Variants in TRIM40 observed in about 807,000 individuals in gnomAD.
TRIM40 encodes E3 ubiquitin ligase TRIM40.
A neutral mutation model predicts 26.1 loss-of-function variants in TRIM40; 27 were observed. The ratio of observed to expected loss-of-function variants is 1.04; its 90% CI spans 0.76 to 1.43. TRIM40 has a LOEUF of 1.43. TRIM40 is among the 40% of genes most tolerant of loss of function. The pLI is 0.00. For synonymous variants in TRIM40, 114 were observed against 120.0 expected, an observed-to-expected ratio of 0.95 and a Z score of 0.33; for missense variants, 289 against 307.9, an observed-to-expected ratio of 0.94 and a Z score of 0.46.
chr6:30,145,897 AT>A (rs1418611395), intron 2 of TRIM40, 96 bp from the exon 3 acceptor site: 2 of 861,154 alleles, frequency 2.3e-6, no homozygotes, highest in Non-Finnish European at 3.8e-6. Context: ...CATTAGTTGC[AT>A]TCTGGGATCA....
intron 2 of TRIM40, among the ~76,000 whole-genome samples, chr6:30,139,536 T>C (rs1562090936): frequency 6.6e-6 from 1 of 151,836 alleles, no homozygotes; most frequent in South Asian, 2.1e-4. Context: ...AGAAACAGGG[T>C]TTCACCATCT....
At chr6:30,143,957 G>A (rs1298486525) in intron 2 of TRIM40, among the ~76,000 whole-genome samples, 1 of 152,038 alleles carries the variant, frequency 6.6e-6, no homozygotes, top group Admixed American at 6.6e-5. Flanking sequence ...ATAGGACTGT[G>A]GCTTTTTGAA....
At chr6:30,147,372 G>A in intron 4 of TRIM40, 148 bp from the exon 5 acceptor site, 2 of 1,373,926 alleles carry the variant, frequency 1.5e-6, no homozygotes, top group Non-Finnish European at 2.0e-6. Flanking sequence ...TGCTGCAGCA[G>A]AATGGGCACA....
rs1485800845 is a variant in TRIM40, at chr6:30,148,137, C to T, written c.*325C>T. ...AGTGCCCATCTCTCACAATCTCATT[C>T]AAATAGGATCCTCCAGGCCTCTGAA... On this transcript the variant is annotated 3_prime_UTR_variant, in exon 6 of 6. Coordinates refer to ENST00000396581, the MANE Select transcript of TRIM40 (RefSeq NM_001286633.2). The T allele has an allele frequency of 4.6e-6, 2 of 438,314 alleles. No homozygotes were observed. The highest frequency in any genetic ancestry group is 3.9e-5 in the African/African-American group (2 of 51,378). The allele number at this position is 438,314 out of a possible 1,614,324, so 27.2% of individuals were successfully genotyped here.
intron 5 of TRIM40, 89 bp from the exon 6 acceptor site, chr6:30,147,635 GC>G: frequency 6.2e-7 from 1 of 1,610,968 alleles, no homozygotes; most frequent in Non-Finnish European, 8.5e-7. Flanking sequence ...TGCTCCGTTA[GC>G]TTTTGTATCT....
At chr6:30,147,689 T>C (rs1228406195) in intron 5 of TRIM40, 36 bp from the exon 6 acceptor site, 1 of 1,604,666 alleles carries the variant, frequency 6.2e-7, no homozygotes. Context: ...AATATATGAA[T>C]ACATATTAAT....
Position 30,147,527 on chromosome 6 carries a change from G to T in TRIM40, c.674G>T (p.Gly225Val). Residue 225 changes from glycine to valine, a missense_variant, in exon 5 of 6, where the codon GGT (glycine) becomes GTT (valine). Transcript: ENST00000396581. ...ACTTTTTCTCTCTCCTAGAATGCTG[G>T]TGACTTACTGAACAGGTACGAGCTG... ...ELDTNTLKNAGDLLNRSAPQK... is the reference protein window; with the variant it reads ...ELDTNTLKNAVDLLNRSAPQK... 2 of 1,614,152 alleles carry T rather than the reference G, an allele frequency of 1.2e-6. No homozygotes were observed. The highest frequency in any genetic ancestry group is 1.1e-5 in the South Asian group (1 of 91,086).
rs148163815 is a variant in TRIM40 at position 30,148,426 on chromosome 6, G to A, written c.*614G>A. On this transcript the variant is annotated 3_prime_UTR_variant, in exon 6 of 6. Transcript: ENST00000396581. ...GTGATAGGGTGTCACTCTGGCAACT[G>A]TGTTGCATTGTATAGAACTCCTCCT... The A allele has an allele frequency of 8.7e-3, 1,370 of 156,788 alleles. 10 individuals are homozygous for A. Among genetic ancestry groups the A allele is most frequent in the Middle Eastern group, 0.031 (9 of 294 alleles). The allele number at this position is 156,788 out of a possible 1,614,324, so 9.7% of individuals were successfully genotyped here. A position where few individuals can be genotyped will look rare whatever the true frequency, so the allele number is the denominator to read the frequency against.
rs115338138 is a variant in TRIM40 at position 30,136,972 on chromosome 6, C to A, written c.-65C>A. 4,452 of 1,519,182 alleles carry A rather than the reference C, an allele frequency of 2.9e-3. 47 individuals carry two copies. The African/African-American group carries it at 0.034, about 11-fold the overall frequency. The allele number at this position is 1,519,182 out of a possible 1,614,324, so 94.1% of individuals were successfully genotyped here. On this transcript the variant is annotated 5_prime_UTR_variant, in exon 2 of 6. Transcript: ENST00000396581. ...ATCTGGGACTGTTGAGGGCAACAGG[C>A]CTTCCGAAGACCAGTGAAGAAGGAG...
At chr6:30,139,339 C>CTTTTTT (rs9278591) in intron 2 of TRIM40, among the ~76,000 whole-genome samples, 18 of 77,854 alleles carry the variant, frequency 2.3e-4, no homozygotes, top group East Asian at 4.9e-4. Context: ...ACTTTTTTTT[C>CTTTTTT]TTTTTTTTTT....
Position 30,148,022 on chromosome 6 carries a change from G to A in TRIM40, c.*210G>A, listed in dbSNP as rs922424226. On this transcript the variant is annotated 3_prime_UTR_variant, in exon 6 of 6. Transcript: ENST00000396581. Reference sequence around the variant, plus strand: ...GATAGCCAGCCTCCTTCCAGGACAGGCTCATGCTTGGGGCTGCCACTGTGG... The same window carrying A: ...GATAGCCAGCCTCCTTCCAGGACAGACTCATGCTTGGGGCTGCCACTGTGG... The A allele has an allele frequency of 3.4e-6, 2 of 596,430 alleles. No homozygotes were observed. The highest frequency in any genetic ancestry group is 6.0e-6 in the Non-Finnish European group (2 of 335,802). 36.9% of individuals were successfully genotyped at this position (596,430 alleles called of 1,614,324 possible).
At chr6:30,137,587 T>TA (rs1272155987) in intron 2 of TRIM40, among the ~76,000 whole-genome samples, 2 of 152,200 alleles carry the variant, frequency 1.3e-5, no homozygotes, top group African/African-American at 4.8e-5. Context: ...TGAGTCTGTC[T>TA]AAAAGAGGAT....
At position 30,137,044 on chromosome 6, in the gene TRIM40, C is replaced by T. The variant is rs1384373275; in HGVS notation, c.8C>T (p.Pro3Leu). 6.2e-7 allele frequency: 1 copy of T among 1,612,506 alleles called. No individual in the cohort carries two copies. The highest frequency in any genetic ancestry group is 8.5e-7 in the Non-Finnish European group (1 of 1,179,788). MI[P>L]LQKDNQEEGV... Reference sequence around the variant, plus strand: ...CAGGGTAGGAACGAGGCCATGATCCCTTTGCAGAAGGACAACCAGGAGGAG... The same window carrying T: ...CAGGGTAGGAACGAGGCCATGATCCTTTTGCAGAAGGACAACCAGGAGGAG... Residue 3 changes from proline to leucine, a missense_variant, in exon 2 of 6, where the codon CCT becomes CTT. Coordinates refer to ENST00000396581, the MANE Select transcript of TRIM40 (RefSeq NM_001286633.2).
chr6:30,141,539 G>C (rs1231524413), intron 2 of TRIM40, among the ~76,000 whole-genome samples: 1 of 152,044 alleles, frequency 6.6e-6, no homozygotes, highest in East Asian at 1.9e-4. Context: ...AAGAGAGAAG[G>C]GTATTTTAAG....
chr6:30,147,717 G>A lies in TRIM40; in HGVS notation c.690-8G>A, dbSNP rs201412051. On this transcript the variant is annotated splice_region_variant and splice_polypyrimidine_tract_variant and intron_variant, in intron 5 of 5. Transcript: ENST00000396581. ...ATATTAATCTATGAAAGATTTCTTTGTTTCTAGGAGTGCTCCACAGAAATT... is the reference window on the plus strand; with the variant it reads ...ATATTAATCTATGAAAGATTTCTTTATTTCTAGGAGTGCTCCACAGAAATT... 6.2e-7 allele frequency: 1 copy of A among 1,613,804 alleles called. No individual in the cohort carries two copies. The highest frequency in any genetic ancestry group is 1.1e-5 in the South Asian group (1 of 91,068).
At chr6:30,140,126 T>C (rs1244766072) in intron 2 of TRIM40, among the ~76,000 whole-genome samples, 1 of 152,116 alleles carries the variant, frequency 6.6e-6, no homozygotes, top group African/African-American at 2.4e-5. Flanking sequence ...TTGGTGGGAG[T>C]GTAAATTAGT....
chr6:30,147,806 G>T lies in TRIM40; in HGVS notation c.771G>T (p.Lys257Asn), dbSNP rs1005474441. ...AATTGCTTCTTCAGCCCCCTCAGAA[G>T]CTCTGACCTGTTCATCCCTGGGACA... The part of the protein sequence containing the change: ...VSELLLQPPQ[K>N]L Residue 257 changes from lysine to asparagine, a missense_variant, in exon 6 of 6, where the codon AAG (lysine) becomes AAT (asparagine). Physicochemically the swap from Lys to Asn is moderately conservative, Grantham distance 94. Coordinates refer to ENST00000396581, the MANE Select transcript of TRIM40 (RefSeq NM_001286633.2). The T allele has an allele frequency of 6.2e-7, 1 of 1,614,126 alleles. No individual in the cohort carries two copies. The highest frequency in any genetic ancestry group is 8.5e-7 in the Non-Finnish European group (1 of 1,179,950).
chr6:30,145,998 G>GACTCAATC lies in TRIM40; in HGVS notation c.351_358dup (p.Arg120HisfsTer34). The GACTCAATC allele has an allele frequency of 3.1e-6, 5 of 1,612,934 alleles. No homozygotes were observed. Among genetic ancestry groups the GACTCAATC allele is most frequent in the East Asian group, 2.2e-5 (1 of 44,884 alleles). On this transcript the variant is annotated frameshift_variant, in exon 3 of 6. Coordinates refer to ENST00000396581, the MANE Select transcript of TRIM40 (RefSeq NM_001286633.2). LOFTEE classifies it high-confidence loss of function. ...CAGGTGTGTCTGTCTCTTTAGGAAC[G>GACTCAATC]ACTCAATCGCCGGAGCAGGAAGCTC...
intron 2 of TRIM40, among the ~76,000 whole-genome samples, chr6:30,138,657 T>C (rs60217439): frequency 0.011 from 1,679 of 152,310 alleles, 23 homozygotes; most frequent in African/African-American, 0.034. Context: ...CAGATATTTG[T>C]ATATCTTTAT....
Sources: allele counts gnomAD v4.1 joint callset (sites outside exome capture counted in the v4.1 genomes callset), GRCh38; gene constraint gnomAD v4.1.1; transcripts MANE v1.5; gene names NCBI Gene and HGNC (gene_info 2026-07-23, HGNC 2026-07-21).